Variants in GATAD2A observed in about 807,000 individuals in gnomAD.
GATAD2A encodes GATA zinc finger domain containing 2A, also known as transcriptional repressor p66-alpha.
GATAD2A carries 12 observed loss-of-function variants against 68.5 expected under a neutral mutation model. The ratio of observed to expected loss-of-function variants is 0.18; its 90% CI spans 0.11 to 0.28. The LOEUF (loss-of-function observed/expected upper bound fraction) is 0.28. Ranked by LOEUF, GATAD2A falls within the 10% of genes least tolerant of loss-of-function variation. GATAD2A has a pLI of 1.00. For missense variants in GATAD2A, 755 were observed against 868.5 expected, an observed-to-expected ratio of 0.87 and a Z score of 1.64; for synonymous variants, 410 against 375.3, an observed-to-expected ratio of 1.09 and a Z score of -1.07.
chr19:19,486,638 G>A (rs1216052948), intron 2 of GATAD2A, among the ~76,000 whole-genome samples: 2 of 152,224 alleles, frequency 1.3e-5, no homozygotes, highest in Non-Finnish European at 2.9e-5. Context: ...GGCTGTCGGG[G>A]CAAACCTCTC....
chr19:19,473,343 GT>G (rs1378901364), intron 2 of GATAD2A, among the ~76,000 whole-genome samples: 5 of 152,012 alleles, frequency 3.3e-5, no homozygotes, highest in African/African-American at 1.2e-4. Flanking sequence ...CTTGGCTTTA[GT>G]TTTTTTTGGC....
intron 1 of GATAD2A, among the ~76,000 whole-genome samples, chr19:19,464,196 T>A (rs924783499): frequency 3.3e-5 from 5 of 152,180 alleles, no homozygotes; most frequent in Non-Finnish European, 1.5e-5. Context: ...GCATAGAGCA[T>A]GCCACAGGTG....
At chr19:19,390,627 G>C (rs2048777589) in intron 1 of GATAD2A, among the ~76,000 whole-genome samples, 1 of 152,186 alleles carries the variant, frequency 6.6e-6, no homozygotes, top group Admixed American at 6.5e-5. Context: ...TTAAGGGCAA[G>C]TAGGGAGATG....
chr19:19,479,214 G>A (rs573378775), intron 2 of GATAD2A, among the ~76,000 whole-genome samples: 59 of 152,142 alleles, frequency 3.9e-4, no homozygotes, highest in Non-Finnish European at 7.2e-4. Flanking sequence ...ATTAAAATCC[G>A]TGGGACTCTT....
chr19:19,447,473 G>A (rs538671048), intron 1 of GATAD2A, among the ~76,000 whole-genome samples: 3 of 152,328 alleles, frequency 2.0e-5, no homozygotes, highest in Admixed American at 2.0e-4. Context: ...CTTAGCTGTT[G>A]CCCAGAGGTT....
At chr19:19,443,196 G>A (rs182413755) in intron 1 of GATAD2A, among the ~76,000 whole-genome samples, 1 of 152,184 alleles carries the variant, frequency 6.6e-6, no homozygotes, top group African/African-American at 2.4e-5. Context: ...AGTGAATTGA[G>A]GGGTTCCAGA....
intron 8 of GATAD2A, among the ~76,000 whole-genome samples, chr19:19,499,104 C>T (rs548418359): frequency 6.6e-6 from 1 of 152,326 alleles, no homozygotes; most frequent in Admixed American, 6.5e-5. Context: ...TCAAGTGCTC[C>T]CAGCTTCTGA....
At chr19:19,498,798 A>G in intron 8 of GATAD2A, 76 bp downstream of exon 8, 1 of 1,313,986 alleles carries the variant, frequency 7.6e-7, no homozygotes, top group South Asian at 1.3e-5. Flanking sequence ...TCTTTCCAAC[A>G]CACAGCAGAG....
chr19:19,421,344 C>G (rs547062795), intron 1 of GATAD2A, among the ~76,000 whole-genome samples: 1 of 152,130 alleles, frequency 6.6e-6, no homozygotes, highest in African/African-American at 2.4e-5. Flanking sequence ...AACGCCCCTG[C>G]CCCTATGGCC....
chr19:19,414,832 GCC>G (rs36093004), intron 1 of GATAD2A, among the ~76,000 whole-genome samples: 62 of 126,138 alleles, frequency 4.9e-4, no homozygotes, highest in South Asian at 2.1e-3. Context: ...ACCACACCCT[GCC>G]CCCTTTTTTT....
intron 1 of GATAD2A, among the ~76,000 whole-genome samples, chr19:19,391,080 T>G (rs1356910450): frequency 1.3e-5 from 2 of 152,070 alleles, no homozygotes; most frequent in Non-Finnish European, 2.9e-5. Flanking sequence ...TTTACAAAAT[T>G]TTTTTCTTGA....
intron 1 of GATAD2A, among the ~76,000 whole-genome samples, chr19:19,394,549 G>A (rs1456837185): frequency 2.0e-5 from 3 of 151,426 alleles, no homozygotes; most frequent in Non-Finnish European, 4.4e-5. Flanking sequence ...AGGTTCAAGC[G>A]ATTCTCCTGT....
intron 1 of GATAD2A, among the ~76,000 whole-genome samples, chr19:19,386,772 G>C (rs2048461867): frequency 6.6e-6 from 1 of 151,476 alleles, no homozygotes; most frequent in African/African-American, 2.4e-5. Flanking sequence ...ACCCCTGCCG[G>C]AGGGAACCCC....
intron 9 of GATAD2A, 27 bp from the exon 10 acceptor site, chr19:19,501,942 C>A: frequency 6.2e-7 from 1 of 1,601,990 alleles, no homozygotes; most frequent in Non-Finnish European, 8.6e-7. Flanking sequence ...ACCGCACTGA[C>A]TTTGCTTTCA....
chr19:19,419,330 G>A (rs964347508), intron 1 of GATAD2A, among the ~76,000 whole-genome samples: 1 of 152,088 alleles, frequency 6.6e-6, no homozygotes. Flanking sequence ...CCTGCATCTC[G>A]TACACTGGCA....
intron 1 of GATAD2A, chr19:19,435,146 G>A (rs376423386): frequency 1.9e-5 from 10 of 531,328 alleles, no homozygotes; most frequent in Admixed American, 3.9e-5. Flanking sequence ...CTGCCTCTAC[G>A]GTTGCCTTGG....
At chr19:19,447,015 G>C (rs1449550758) in intron 1 of GATAD2A, among the ~76,000 whole-genome samples, 1 of 152,250 alleles carries the variant, frequency 6.6e-6, no homozygotes, top group Non-Finnish European at 1.5e-5. Context: ...TGCTTCTTCT[G>C]TGCAAAGCAT....
intron 1 of GATAD2A, among the ~76,000 whole-genome samples, chr19:19,412,025 G>C (rs1370309229): frequency 6.6e-6 from 1 of 151,646 alleles, no homozygotes; most frequent in African/African-American, 2.4e-5. Context: ...GATTGTTTGA[G>C]CCCAGTAGTT....
chr19:19,424,779 G>C (rs1214267494), intron 1 of GATAD2A, among the ~76,000 whole-genome samples: 3 of 152,102 alleles, frequency 2.0e-5, no homozygotes, highest in Non-Finnish European at 2.9e-5. Context: ...ACCTTTCCAG[G>C]AGGTTGCCCA....
Sources: allele counts gnomAD v4.1 joint callset (sites outside exome capture counted in the v4.1 genomes callset), GRCh38; gene constraint gnomAD v4.1.1; transcripts MANE v1.5; gene names NCBI Gene and HGNC (gene_info 2026-07-23, HGNC 2026-07-21).